The following DACT2 variants were observed in gnomAD, a reference collection of about 807,000 sequenced individuals.
The protein encoded by DACT2 is dapper homolog 2.
In DACT2, 20 loss-of-function variants were observed where a neutral mutation model predicts 22.2. That is an observed-to-expected ratio of 0.90 (90% CI 0.63 to 1.31). DACT2 has a LOEUF of 1.31. Ranked by LOEUF, DACT2 falls within the 50% of genes most tolerant of loss-of-function variation. The pLI is 0.00. For synonymous variants in DACT2, 463 were observed against 479.8 expected (o/e 0.96, Z 0.46); for missense variants, 1,048 against 1,061.4 (o/e 0.99, Z 0.18).
rs1044184740 is a variant in DACT2 at position 168,307,761 on chromosome 6, G to C, written c.1996C>G (p.His666Asp). The C allele has an allele frequency of 6.5e-7, 1 of 1,547,118 alleles. No homozygotes were observed. Among genetic ancestry groups the C allele is most frequent in the Admixed American group, 2.0e-5 (1 of 51,004 alleles). Residue 666 changes from histidine (H) to aspartate (D), a missense_variant, in exon 4 of 4, where the codon CAC (histidine) becomes GAC (aspartate). Physicochemically the swap from His to Asp is moderately conservative, Grantham distance 81. Transcript: ENST00000366795. The surrounding 1 kb of genome is among the most constrained non-coding windows in gnomAD (Gnocchi z 5.3). ...AACCGCGGGTCACACTCGGCCGAGT[G>C]CTTGGAGGGCTCTGAGTCGCTCCTG... ...YTRSDSEPSK[H>D]SAECDPRFPS...
intron 3 of DACT2, chr6:168,298,155 A>G (rs1779040187): frequency 6.6e-6 from 1 of 152,226 alleles, no homozygotes. Flanking sequence ...ACCTATAAGT[A>G]TAGGAAAAAA....
At chr6:168,310,072 G>T (rs1184243871) in intron 3 of DACT2, 96 bp downstream of exon 3, 1 of 1,493,528 alleles carries the variant, frequency 6.7e-7, no homozygotes, top group Non-Finnish European at 8.9e-7. Flanking sequence ...CGTGCTCCGT[G>T]TAGGGTCCCC....
chr6:168,319,649 C>T lies in DACT2; in HGVS notation c.-16G>A, dbSNP rs1388747897. The T allele has an allele frequency of 1.4e-5, 17 of 1,234,024 alleles. No individual in the cohort carries two copies. In the South Asian group the frequency reaches 5.0e-4, roughly 36 times the overall value. 76.4% of individuals were successfully genotyped at this position (1,234,024 alleles called of 1,614,324 possible). ...GCGTCCACATCTCCCGGGCAGGGTC[C>T]CGGCCTCCCGAACCCCACGAGCGGC... is the stretch of plus-strand genomic sequence containing the variant. On this transcript the variant is annotated 5_prime_UTR_variant, in exon 1 of 4. Transcript: ENST00000366795.
chr6:168,304,339 C>G (rs921783117), downstream of DACT2, among the ~76,000 whole-genome samples: 4 of 152,260 alleles, frequency 2.6e-5, no homozygotes, highest in African/African-American at 9.6e-5. Flanking sequence ...TCTTTCTGCG[C>G]GCCTGCCTGG....
At position 168,307,866 on chromosome 6, in the gene DACT2, G is replaced by T. The variant is rs536560245; in HGVS notation, c.1891C>A (p.Pro631Thr). The T allele has an allele frequency of 3.3e-5, 51 of 1,539,180 alleles. 2 individuals are homozygous for T. In the South Asian group the frequency reaches 5.5e-4, roughly 17 times the overall value. Residue 631 changes from proline to threonine, a missense_variant, in exon 4 of 4, where the codon CCC becomes ACC. Pro to Thr is a conservative substitution (Grantham distance 38). Coordinates refer to ENST00000366795, the MANE Select transcript of DACT2 (RefSeq NM_214462.5). This position sits in a 1 kb window ranked among gnomAD's most constrained non-coding sequence, Gnocchi z 5.3. Reference sequence around the variant, plus strand: ...GCTCTCCTGGCCACGGGCCTGGGGGGCCCCAGGTTAGACTCAGGACAGCTG... The same window carrying T: ...GCTCTCCTGGCCACGGGCCTGGGGGTCCCCAGGTTAGACTCAGGACAGCTG... ...LASCPESNLG[P>T]PRPVARRAGG... is the part of the protein sequence containing the mutation.
chr6:168,293,549 T>C, exon 6 of DACT2: 1 of 258,656 alleles, frequency 3.9e-6, no homozygotes, highest in Non-Finnish European at 7.3e-6. Context: ...TGGGTGCTGC[T>C]GAACATGGTG....
At chr6:168,293,086 G>T (rs1778942137) in exon 6 of DACT2, 1 of 152,106 alleles carries the variant, frequency 6.6e-6, no homozygotes, top group African/African-American at 2.4e-5. Flanking sequence ...CTGAGGTCGG[G>T]GTGGCCACGT....
At chr6:168,309,307 C>T (rs944628963) in intron 3 of DACT2, among the ~76,000 whole-genome samples, 1 of 138,176 alleles carries the variant, frequency 7.2e-6, no homozygotes, top group Non-Finnish European at 1.6e-5. Context: ...GTTTAAGACA[C>T]TGGGCGCGGG....
At chr6:168,293,875 A>G in exon 6 of DACT2, 1 of 703,306 alleles carries the variant, frequency 1.4e-6, no homozygotes, top group Non-Finnish European at 2.6e-6. Context: ...TGCAGCCCCC[A>G]GCTTGGTGTA....
chr6:168,298,989 G>A (rs577460059), intron 3 of DACT2: 6 of 152,148 alleles, frequency 3.9e-5, no homozygotes, highest in South Asian at 2.1e-4. Flanking sequence ...ATATATACTC[G>A]TTAAAAATAA....
At chr6:168,297,159 A>G (rs1401681036) in intron 3 of DACT2, among the ~76,000 whole-genome samples, 2 of 152,334 alleles carry the variant, frequency 1.3e-5, no homozygotes, top group East Asian at 3.9e-4. Flanking sequence ...GAAGTGAGAA[A>G]GTTGGAAGTC....
At chr6:168,293,786 G>A (rs1447784272) in exon 6 of DACT2, 4 of 680,886 alleles carry the variant, frequency 5.9e-6, no homozygotes, top group African/African-American at 3.6e-5. Flanking sequence ...TTGGCGGGCA[G>A]AGGGGGGCCG....
At chr6:168,297,649 T>A (rs1562490476) in intron 3 of DACT2, among the ~76,000 whole-genome samples, 1 of 152,230 alleles carries the variant, frequency 6.6e-6, no homozygotes, top group Non-Finnish European at 1.5e-5. Context: ...CCCCCAAGTC[T>A]GTGGTAGTTT....
At chr6:168,311,375 A>C in intron 1 of DACT2, 91 bp from the exon 2 acceptor site, 2 of 1,411,432 alleles carry the variant, frequency 1.4e-6, no homozygotes, top group Non-Finnish European at 1.9e-6. Context: ...TTGTGAATGC[A>C]ATTTAAACTC....
At chr6:168,311,406 ATCT>A (rs929613042) in intron 1 of DACT2, 122 bp from the exon 2 acceptor site, 57 of 1,247,136 alleles carry the variant, frequency 4.6e-5, no homozygotes, top group African/African-American at 2.0e-4. Flanking sequence ...CGCGAAATAC[ATCT>A]TCTAAATCCG....
At chr6:168,309,307 CTG>C (rs1562496796) in intron 3 of DACT2, among the ~76,000 whole-genome samples, 2 of 138,176 alleles carry the variant, frequency 1.4e-5, no homozygotes, top group African/African-American at 5.4e-5. Context: ...GTTTAAGACA[CTG>C]GGCGCGGGGC....
chr6:168,297,175 C>A (rs1779023016), intron 3 of DACT2, among the ~76,000 whole-genome samples: 2 of 152,192 alleles, frequency 1.3e-5, no homozygotes, highest in Admixed American at 1.3e-4. Context: ...AAGTCTTGGG[C>A]ATGGCAGGTG....
At chr6:168,310,542 G>A in intron 2 of DACT2, 96 bp from the exon 3 acceptor site, 1 of 1,473,028 alleles carries the variant, frequency 6.8e-7, no homozygotes, top group Non-Finnish European at 9.0e-7. Flanking sequence ...GTGGGCCCAG[G>A]GGAACCCCTG....
At position 168,307,475 on chromosome 6, in the gene DACT2, CG is replaced by C; in HGVS notation, c.2281del (p.Arg761AlafsTer8). 6.4e-7 allele frequency: 1 copy of C among 1,551,644 alleles called. No individual in the cohort carries two copies. The highest frequency in any genetic ancestry group is 8.7e-7 in the Non-Finnish European group (1 of 1,146,984). On this transcript the variant is annotated frameshift_variant, in exon 4 of 4. Coordinates refer to ENST00000366795, the MANE Select transcript of DACT2 (RefSeq NM_214462.5). LOFTEE classifies it high-confidence loss of function. The surrounding 1 kb of genome is among the most constrained non-coding windows in gnomAD (Gnocchi z 5.3). ...KASKALKKKI[R>X]RFQPTALKVM... Reference sequence around the variant, plus strand: ...CTTCAGGGCCGTCGGCTGGAACCTGCGGATCTTCTTCTTCAGGGCCTTGGAG... The same window carrying C: ...CTTCAGGGCCGTCGGCTGGAACCTGCGATCTTCTTCTTCAGGGCCTTGGAG...
Sources: allele counts gnomAD v4.1 joint callset (sites outside exome capture counted in the v4.1 genomes callset), GRCh38; gene constraint gnomAD v4.1.1; non-coding constraint Gnocchi (gnomAD v3.1); transcripts MANE v1.5; gene names NCBI Gene and HGNC (gene_info 2026-07-23, HGNC 2026-07-21).